ZNF804B: variants seen among roughly 807,000 people sequenced by gnomAD.
ZNF804B encodes the protein zinc finger protein 804B.
ZNF804B carries 80 observed loss-of-function variants against 101.4 expected under a neutral mutation model. The observed-to-expected ratio is 0.79, with a 90% CI of 0.66 to 0.95. The LOEUF (loss-of-function observed/expected upper bound fraction) is 0.95. ZNF804B is among the 40% of genes least tolerant of loss of function. The probability of loss-of-function intolerance (pLI) is 0.00; values close to 1 mark genes in which losing one functional copy is unlikely to be tolerated. For synonymous variants in ZNF804B, 622 were observed against 558.8 expected (o/e 1.11, Z -1.59); for missense variants, 1,673 against 1,561.9 (o/e 1.07, Z -1.20).
intron 1 of ZNF804B, among the ~76,000 whole-genome samples, chr7:88,815,935 G>A (rs1201472366): frequency 6.6e-6 from 1 of 152,094 alleles, no homozygotes; most frequent in Non-Finnish European, 1.5e-5. Flanking sequence ...TTCTCAAAAT[G>A]TGGACACTTT....
intron 1 of ZNF804B, among the ~76,000 whole-genome samples, chr7:89,191,986 ACT>A (rs1186027356): frequency 2.6e-5 from 4 of 151,980 alleles, no homozygotes; most frequent in Non-Finnish European, 5.9e-5. Flanking sequence ...ATAATTATAA[ACT>A]CTAAAAAAAA....
At chr7:89,210,793 C>T (rs1295076876) in intron 1 of ZNF804B, among the ~76,000 whole-genome samples, 1 of 152,162 alleles carries the variant, frequency 6.6e-6, no homozygotes, top group Non-Finnish European at 1.5e-5. Flanking sequence ...GTGAATAGTG[C>T]TGCAATGAAC....
intron 1 of ZNF804B, among the ~76,000 whole-genome samples, chr7:89,002,103 AAC>A (rs959623227): frequency 4.6e-5 from 7 of 151,654 alleles, no homozygotes; most frequent in African/African-American, 1.4e-4. Context: ...GTAATATTAT[AAC>A]ACATATATTT....
At chr7:89,156,019 C>CCTTTCTTTCTTT (rs58720640) in intron 1 of ZNF804B, among the ~76,000 whole-genome samples, 1,854 of 121,864 alleles carry the variant, frequency 0.015, 21 homozygotes, top group East Asian at 0.048. Context: ...TTCTCTCTTT[C>CCTTTCTTTCTTT]CTTTCTTTCT....
At chr7:89,294,754 A>G (rs909492793) in intron 2 of ZNF804B, among the ~76,000 whole-genome samples, 22 of 151,762 alleles carry the variant, frequency 1.4e-4, no homozygotes, top group South Asian at 6.2e-4. Context: ...ACTATTTTTC[A>G]TATATATTAA....
chr7:89,131,490 GTAGA>G (rs1437123340), intron 1 of ZNF804B, among the ~76,000 whole-genome samples: 1 of 151,918 alleles, frequency 6.6e-6, no homozygotes, highest in Non-Finnish European at 1.5e-5. Flanking sequence ...TGGTTGAAAG[GTAGA>G]TAGACCCCAT....
chr7:89,039,394 T>C (rs1157243866), intron 1 of ZNF804B, among the ~76,000 whole-genome samples: 1 of 152,014 alleles, frequency 6.6e-6, no homozygotes. Context: ...TATTGTGTTT[T>C]AGTTTTTAGT....
chr7:89,100,347 A>G (rs1790036101), intron 1 of ZNF804B, among the ~76,000 whole-genome samples: 1 of 152,196 alleles, frequency 6.6e-6, no homozygotes. Context: ...GAAGCCATCC[A>G]ACTATGAAAC....
At chr7:89,026,554 A>G (rs989082267) in intron 1 of ZNF804B, among the ~76,000 whole-genome samples, 4 of 152,204 alleles carry the variant, frequency 2.6e-5, no homozygotes, top group African/African-American at 9.6e-5. Flanking sequence ...TGGTTATGAA[A>G]TAATGGTGAC....
At chr7:88,854,221 T>C (rs1791494295) in intron 1 of ZNF804B, among the ~76,000 whole-genome samples, 1 of 152,148 alleles carries the variant, frequency 6.6e-6, no homozygotes, top group Non-Finnish European at 1.5e-5. Flanking sequence ...AATAACTCGA[T>C]GATGAATTCA....
chr7:89,278,517 T>G (rs1430205406), intron 2 of ZNF804B, among the ~76,000 whole-genome samples: 2 of 151,892 alleles, frequency 1.3e-5, no homozygotes, highest in Admixed American at 6.6e-5. Flanking sequence ...CATCTTGAAT[T>G]GATTTTTGTA....
At position 88,895,378 on chromosome 7, in the gene ZNF804B, T is replaced by C. The variant is rs59307132; in HGVS notation, c.108+135294T>C. Among the ~76,000 whole-genome samples the C allele has an allele frequency of 2.6e-3, 393 of 152,356 alleles. 3 individuals are homozygous for C. Among genetic ancestry groups the C allele is most frequent in the African/African-American group, 9.4e-3 (389 of 41,586 alleles). On this transcript the variant is annotated intron_variant, in intron 1 of 3. Coordinates refer to ENST00000333190, the MANE Select transcript of ZNF804B (RefSeq NM_181646.5). Reference sequence around the variant, plus strand: ...AAACCTTGCCATACTGGATTAGAGTTGGATGGATCAATATGACTTCATGTT... The same window carrying C: ...AAACCTTGCCATACTGGATTAGAGTCGGATGGATCAATATGACTTCATGTT...
rs10261890 is a variant in ZNF804B, at chr7:88,785,124, T to G, written c.108+25040T>G. ...ACATCAAACTCTGTATTGGACAGTA[T>G]AACGTTGATGATTCTCAGACACCTC... is the stretch of plus-strand genomic sequence containing the variant. On this transcript the variant is annotated intron_variant, in intron 1 of 3. Coordinates refer to ENST00000333190, the MANE Select transcript of ZNF804B (RefSeq NM_181646.5). Among the ~76,000 whole-genome samples the G allele has an allele frequency of 2.1e-3, 323 of 152,222 alleles. 2 individuals carry two copies. The highest frequency in any genetic ancestry group is 7.5e-3 in the African/African-American group (313 of 41,550).
intron 1 of ZNF804B, among the ~76,000 whole-genome samples, chr7:88,934,828 T>TTA (rs975653702): frequency 1.3e-5 from 2 of 151,744 alleles, no homozygotes; most frequent in African/African-American, 4.8e-5. Flanking sequence ...GACAATTCCT[T>TTA]AAAGACTAAA....
intron 1 of ZNF804B, among the ~76,000 whole-genome samples, chr7:88,997,073 A>G (rs1482354598): frequency 2.0e-5 from 3 of 152,112 alleles, no homozygotes; most frequent in Non-Finnish European, 2.9e-5. Context: ...TTAAGGCAAT[A>G]TGTTTAACTG....
chr7:89,063,395 C>G (rs1789406023), intron 1 of ZNF804B, among the ~76,000 whole-genome samples: 1 of 151,988 alleles, frequency 6.6e-6, no homozygotes, highest in Non-Finnish European at 1.5e-5. Context: ...ATATTAGAAG[C>G]AAAAGAAAAT....
chr7:88,827,053 A>G (rs1791060303), intron 1 of ZNF804B, among the ~76,000 whole-genome samples: 1 of 152,148 alleles, frequency 6.6e-6, no homozygotes, highest in African/African-American at 2.4e-5. Flanking sequence ...TTCAGATTAT[A>G]TTTTGTGACC....
intron 1 of ZNF804B, among the ~76,000 whole-genome samples, chr7:89,126,958 T>A (rs1790483305): frequency 6.6e-6 from 1 of 151,802 alleles, no homozygotes; most frequent in East Asian, 1.9e-4. Flanking sequence ...AAAACAAACA[T>A]GAAAATAATG....
At chr7:88,968,244 T>C (rs142994752) in intron 1 of ZNF804B, among the ~76,000 whole-genome samples, 11 of 151,644 alleles carry the variant, frequency 7.3e-5, no homozygotes, top group African/African-American at 2.7e-4. Context: ...ACTAATACTA[T>C]TGTCCTTTTT....
Sources: gnomAD v4.1 joint callset for allele counts (sites outside exome capture counted in the v4.1 genomes callset) on GRCh38, gnomAD v4.1.1 for gene constraint, MANE v1.5 for transcripts, NCBI Gene and HGNC (gene_info 2026-07-23, HGNC 2026-07-21) for gene names.